The following COG5 variants were observed in gnomAD, a reference collection of about 807,000 sequenced individuals.
COG5 encodes the protein conserved oligomeric Golgi complex subunit 5.
A neutral mutation model predicts 110.4 loss-of-function variants in COG5; 86 were observed. The ratio of observed to expected loss-of-function variants is 0.78; its 90% CI spans 0.65 to 0.93. The LOEUF is 0.93. Ranked by LOEUF, COG5 falls within the 40% of genes least tolerant of loss-of-function variation. COG5 has a pLI of 0.00. For synonymous variants in COG5, 360 were observed against 334.6 expected (o/e 1.08, Z -0.83); for missense variants, 1,077 against 987.0 (o/e 1.09, Z -1.22).
chr7:107,555,662 A>T (rs1262131223), intron 2 of COG5, among the ~76,000 whole-genome samples: 1 of 152,206 alleles, frequency 6.6e-6, no homozygotes, highest in Non-Finnish European at 1.5e-5. Flanking sequence ...CTATAGTTTC[A>T]TGGACTCCCT....
At chr7:107,527,663 AG>A in intron 5 of COG5, among the ~76,000 whole-genome samples, 1 of 152,362 alleles carries the variant, frequency 6.6e-6, no homozygotes, top group East Asian at 1.9e-4. Flanking sequence ...CAAATGTCCT[AG>A]GGAACACACG....
intron 10 of COG5, among the ~76,000 whole-genome samples, chr7:107,345,594 C>A (rs541770445): frequency 6.6e-6 from 1 of 152,008 alleles, no homozygotes; most frequent in African/African-American, 2.4e-5. Context: ...TCAATGGATA[C>A]AGAATTTCAG....
chr7:107,271,078 C>T (rs1804232520), intron 14 of COG5, among the ~76,000 whole-genome samples: 1 of 151,758 alleles, frequency 6.6e-6, no homozygotes, highest in Admixed American at 6.6e-5. Flanking sequence ...CATTGTTCCT[C>T]TTCTTAAAAA....
At chr7:107,314,489 A>ATC (rs1287185452) in intron 11 of COG5, among the ~76,000 whole-genome samples, 1 of 151,570 alleles carries the variant, frequency 6.6e-6, no homozygotes, top group African/African-American at 2.4e-5. Flanking sequence ...CACGCCTGTA[A>ATC]TCCCAGCACT....
At chr7:107,233,282 T>C (rs1174415795) in intron 18 of COG5, among the ~76,000 whole-genome samples, 1 of 152,172 alleles carries the variant, frequency 6.6e-6, no homozygotes, top group African/African-American at 2.4e-5. Context: ...AACCCCAGTG[T>C]CGTGGACAGG....
chr7:107,267,318 A>G (rs1001899113), intron 14 of COG5, among the ~76,000 whole-genome samples: 3 of 152,228 alleles, frequency 2.0e-5, no homozygotes, highest in Non-Finnish European at 2.9e-5. Flanking sequence ...AGAATGAATC[A>G]TCTAATCAAA....
chr7:107,492,832 G>T (rs1798053611), intron 6 of COG5, among the ~76,000 whole-genome samples: 1 of 152,032 alleles, frequency 6.6e-6, no homozygotes, highest in Non-Finnish European at 1.5e-5. Context: ...ATATTCATAG[G>T]TTCCAAGGAT....
Position 107,455,226 on chromosome 7 carries a change from G to A in COG5, c.539-42594C>T, listed in dbSNP as rs181095220. On this transcript the variant is annotated intron_variant, in intron 6 of 21. Transcript: ENST00000297135. The stretch of plus-strand genomic sequence containing the variant: ...GTCAGGGAAGATAATACATAGGAGT[G>A]CAAACTAGAACAACGTGTGAATGAA... Among the ~76,000 whole-genome samples the A allele has an allele frequency of 1.0e-3, 153 of 152,268 alleles. 1 individual carries two copies. Among genetic ancestry groups the A allele is most frequent in the Middle Eastern group, 3.4e-3 (1 of 294 alleles).
At chr7:107,236,737 T>C in intron 17 of COG5, 50 bp from the exon 18 acceptor site, 1 of 1,203,314 alleles carries the variant, frequency 8.3e-7, no homozygotes, top group Non-Finnish European at 1.2e-6. Context: ...TAAATCACAC[T>C]CTTTGATTTT....
intron 11 of COG5, among the ~76,000 whole-genome samples, chr7:107,307,461 T>C (rs548834647): frequency 6.6e-6 from 1 of 152,348 alleles, no homozygotes; most frequent in South Asian, 2.1e-4. Flanking sequence ...AACCTCTGTG[T>C]ATCCATCACT....
intron 7 of COG5, among the ~76,000 whole-genome samples, chr7:107,391,601 T>G (rs1396857909): frequency 6.6e-6 from 1 of 152,170 alleles, no homozygotes; most frequent in Admixed American, 6.5e-5. Flanking sequence ...CTTCTAAAAG[T>G]TGTATAGTTT....
At chr7:107,426,920 C>G (rs1289371045) in intron 6 of COG5, among the ~76,000 whole-genome samples, 1 of 152,048 alleles carries the variant, frequency 6.6e-6, no homozygotes, top group Non-Finnish European at 1.5e-5. Flanking sequence ...AACTAGGAAC[C>G]CTAACTTCAG....
intron 16 of COG5, among the ~76,000 whole-genome samples, chr7:107,251,530 G>C (rs1802501829): frequency 6.6e-6 from 1 of 151,984 alleles, no homozygotes; most frequent in African/African-American, 2.4e-5. Flanking sequence ...ATTTAATTCT[G>C]TTATCAGAAT....
At chr7:107,542,834 G>A (rs1051784275) in intron 5 of COG5, among the ~76,000 whole-genome samples, 1 of 151,940 alleles carries the variant, frequency 6.6e-6, no homozygotes, top group Non-Finnish European at 1.5e-5. Context: ...ATAGCCAAAT[G>A]TGGTGGCAGG....
intron 12 of COG5, among the ~76,000 whole-genome samples, chr7:107,290,530 T>C (rs2116862066): frequency 6.6e-6 from 1 of 152,306 alleles, no homozygotes; most frequent in East Asian, 1.9e-4. Flanking sequence ...TACCTTTACT[T>C]TGTGGGGATT....
intron 6 of COG5, among the ~76,000 whole-genome samples, chr7:107,505,671 C>T (rs1042523873): frequency 2.6e-5 from 4 of 152,202 alleles, no homozygotes; most frequent in African/African-American, 9.7e-5. Flanking sequence ...CCTTGCTGAG[C>T]CCAGCATGGC....
intron 6 of COG5, among the ~76,000 whole-genome samples, chr7:107,434,593 AAATT>A (rs1221576086): frequency 2.0e-5 from 3 of 152,198 alleles, no homozygotes; most frequent in Admixed American, 1.3e-4. Flanking sequence ...AATAAAAAAT[AAATT>A]AAGAGATAAA....
At chr7:107,417,104 A>G (rs1273517728) in intron 6 of COG5, among the ~76,000 whole-genome samples, 1 of 152,170 alleles carries the variant, frequency 6.6e-6, no homozygotes, top group Non-Finnish European at 1.5e-5. Context: ...GGAAAAACTG[A>G]GGTACAGGGT....
chr7:107,417,128 G>A (rs1403730060), intron 6 of COG5, among the ~76,000 whole-genome samples: 2 of 152,112 alleles, frequency 1.3e-5, no homozygotes, highest in African/African-American at 2.4e-5. Context: ...GGCAGCTGGC[G>A]ACAGTCACCA....
Sources: allele counts gnomAD v4.1 joint callset (sites outside exome capture counted in the v4.1 genomes callset), GRCh38; gene constraint gnomAD v4.1.1; transcripts MANE v1.5; gene names NCBI Gene and HGNC (gene_info 2026-07-23, HGNC 2026-07-21).